The following SLIT3 variants were observed in gnomAD, a reference collection of about 807,000 sequenced individuals.
The protein encoded by SLIT3 is slit guidance ligand 3.
In SLIT3, 68 loss-of-function variants were observed where a neutral mutation model predicts 184.0. The ratio of observed to expected loss-of-function variants is 0.37; its 90% CI spans 0.30 to 0.45. The LOEUF (loss-of-function observed/expected upper bound fraction) is 0.45, where lower values mean the gene tolerates loss of function less well. SLIT3 is among the 20% of genes least tolerant of loss of function. The probability of loss-of-function intolerance (pLI) is 1.00; values close to 1 mark genes in which losing one functional copy is unlikely to be tolerated. For missense variants in SLIT3, 1,707 were observed against 2,026.0 expected, an observed-to-expected ratio of 0.84 and a Z score of 3.02; for synonymous variants, 831 against 828.6, an observed-to-expected ratio of 1.00 and a Z score of -0.05.
intron 4 of SLIT3, among the ~76,000 whole-genome samples, chr5:168,963,378 G>C (rs1763079661): frequency 6.6e-6 from 1 of 152,096 alleles, no homozygotes; most frequent in African/African-American, 2.4e-5. Context: ...CTCCACGTTG[G>C]CCAGGCTGGT....
At chr5:168,851,322 C>CAAAAAAA (rs531233116) in intron 5 of SLIT3, among the ~76,000 whole-genome samples, 20 of 77,158 alleles carry the variant, frequency 2.6e-4, no homozygotes, top group East Asian at 7.3e-4. Flanking sequence ...GACTCCGTCT[C>CAAAAAAA]AAAAAAAAAA....
At position 168,795,596 on chromosome 5, in the gene SLIT3, G is replaced by C; in HGVS notation, c.936-18C>G. 7 of 1,604,488 alleles carry C rather than the reference G, an allele frequency of 4.4e-6. No individual in the cohort carries two copies. The highest frequency in any genetic ancestry group is 3.3e-5 in the South Asian group (3 of 90,846). On this transcript the variant is annotated intron_variant, in intron 9 of 35. Transcript: ENST00000519560. ...CTAGGCGTCTGGGAAACAGAGCAGA[G>C]AAGAGTGAATTAACCATCCACCTGT...
intron 4 of SLIT3, among the ~76,000 whole-genome samples, chr5:169,157,700 T>C (rs13360676): frequency 0.023 from 3,496 of 152,238 alleles, 150 homozygotes; most frequent in African/African-American, 0.079. Context: ...CCAACTTATA[T>C]GAGAAATGAC....
chr5:169,197,578 T>C lies in SLIT3; in HGVS notation c.342-4028A>G, dbSNP rs146597216. Among the ~76,000 whole-genome samples the C allele has an allele frequency of 1.4e-4, 22 of 152,276 alleles. No homozygotes were observed. The East Asian group carries it at 4.3e-3, about 29-fold the overall frequency. On this transcript the variant is annotated intron_variant, in intron 3 of 35. Coordinates refer to ENST00000519560, the MANE Select transcript of SLIT3 (RefSeq NM_003062.4). Reference sequence around the variant, plus strand: ...TACACTCATGCCATCTGCTGTTCTGTTACTCTGGGTCCAGAGGTGGAGATC... The same window carrying C: ...TACACTCATGCCATCTGCTGTTCTGCTACTCTGGGTCCAGAGGTGGAGATC...
chr5:169,096,475 C>T, intron 4 of SLIT3, among the ~76,000 whole-genome samples: 1 of 152,228 alleles, frequency 6.6e-6, no homozygotes, highest in East Asian at 1.9e-4. Flanking sequence ...AACTACTGGA[C>T]TCTGCCCTTG....
intron 4 of SLIT3, among the ~76,000 whole-genome samples, chr5:169,157,222 C>T (rs1490786759): frequency 6.6e-6 from 1 of 151,878 alleles, no homozygotes; most frequent in East Asian, 1.9e-4. Flanking sequence ...TCCACGCCCA[C>T]TTGGCAACAG....
intron 4 of SLIT3, among the ~76,000 whole-genome samples, chr5:168,917,434 C>T (rs1426175714): frequency 6.6e-6 from 1 of 152,198 alleles, no homozygotes; most frequent in Non-Finnish European, 1.5e-5. Flanking sequence ...AAGAACTGGT[C>T]CCCTGACATA....
At chr5:169,125,272 T>G (rs927070182) in intron 4 of SLIT3, among the ~76,000 whole-genome samples, 1 of 152,222 alleles carries the variant, frequency 6.6e-6, no homozygotes, top group Non-Finnish European at 1.5e-5. Flanking sequence ...GGTCTCGATC[T>G]TCTGACGTGG....
At chr5:169,094,844 T>C (rs1759719137) in intron 4 of SLIT3, among the ~76,000 whole-genome samples, 1 of 152,228 alleles carries the variant, frequency 6.6e-6, no homozygotes, top group African/African-American at 2.4e-5. Context: ...TGTCCACAGT[T>C]GCATTTGCAT....
At chr5:169,109,804 T>C (rs1760347845) in intron 4 of SLIT3, among the ~76,000 whole-genome samples, 2 of 152,194 alleles carry the variant, frequency 1.3e-5, no homozygotes, top group Non-Finnish European at 2.9e-5. Flanking sequence ...CCATATTGAC[T>C]TCACTCATGA....
Position 169,224,484 on chromosome 5 carries a change from C to T in SLIT3, c.341+20221G>A, listed in dbSNP as rs573718500. 3.3e-5 allele frequency among the ~76,000 whole-genome samples: 5 copies of T among 151,876 alleles called. No homozygotes were observed. The South Asian group carries it at 1.0e-3, about 32-fold the overall frequency. On this transcript the variant is annotated intron_variant, in intron 3 of 35. Coordinates refer to ENST00000519560, the MANE Select transcript of SLIT3 (RefSeq NM_003062.4). ...CTGGAGTCAAGTGATCCTCCCACCT[C>T]AACTTTCCAAGTAGCTGAGACTACA...
intron 3 of SLIT3, among the ~76,000 whole-genome samples, chr5:169,214,461 T>C (rs1037712553): frequency 2.0e-5 from 3 of 152,126 alleles, no homozygotes; most frequent in Non-Finnish European, 4.4e-5. Context: ...CCAAGGCTTG[T>C]CTGGGAAACT....
intron 4 of SLIT3, among the ~76,000 whole-genome samples, chr5:169,101,878 G>A (rs1760033085): frequency 6.6e-6 from 1 of 152,124 alleles, no homozygotes; most frequent in Non-Finnish European, 1.5e-5. Flanking sequence ...TCAAGACTCA[G>A]CTCAAGGATT....
At chr5:169,225,509 G>C (rs899364314) in intron 3 of SLIT3, among the ~76,000 whole-genome samples, 4 of 152,186 alleles carry the variant, frequency 2.6e-5, no homozygotes, top group Middle Eastern at 3.2e-3. Context: ...ACTGTGCTTT[G>C]GCCACACAAA....
intron 32 of SLIT3, among the ~76,000 whole-genome samples, chr5:168,677,143 G>C (rs192485155): frequency 4.9e-4 from 74 of 152,320 alleles, no homozygotes; most frequent in African/African-American, 1.7e-3. Flanking sequence ...GCCAGGTCAT[G>C]CTTTGAGGAG....
chr5:168,789,678 A>G lies in SLIT3; in HGVS notation c.1008-47T>C, dbSNP rs146263612. 1.7e-3 allele frequency: 2,477 copies of G among 1,421,742 alleles called. 36 individuals carry two copies. The African/African-American group carries it at 0.03, about 17-fold the overall frequency. 88.1% of individuals were successfully genotyped at this position (1,421,742 alleles called of 1,614,324 possible). On this transcript the variant is annotated intron_variant, in intron 10 of 35. Transcript: ENST00000519560. ...TCTGAGAACATGGCTCAAAGGTGCG[A>G]TAACGGTCACTCCTAAGTGTGAATC...
chr5:169,018,522 C>T (rs1756479850), intron 4 of SLIT3: 1 of 152,224 alleles, frequency 6.6e-6, no homozygotes, highest in African/African-American at 2.4e-5. Context: ...GACATGGTCC[C>T]AGAGACATGG....
chr5:169,226,120 G>T (rs1764798129), intron 3 of SLIT3, among the ~76,000 whole-genome samples: 1 of 152,098 alleles, frequency 6.6e-6, no homozygotes, highest in Admixed American at 6.5e-5. Flanking sequence ...GCCAGCCCCT[G>T]GGTGTAACGA....
rs1479813362 is a variant in SLIT3 at position 168,710,952 on chromosome 5, CA to C, written c.2661del (p.Glu888SerfsTer85). ...AGCAGGAGCCTGTCAGCCATGGGCT[CA>C]GGGCTACTGCAGCGGGCGATGCCAG... is the stretch of plus-strand genomic sequence containing the variant. ...KEPGIARCSS[P>X]EPMADRLLLT... On this transcript the variant is annotated frameshift_variant, in exon 25 of 36. Coordinates refer to ENST00000519560, the MANE Select transcript of SLIT3 (RefSeq NM_003062.4). LOFTEE classifies it high-confidence loss of function. 1 of 1,566,304 alleles carries C rather than the reference CA, an allele frequency of 6.4e-7. No homozygotes were observed. The highest frequency in any genetic ancestry group is 8.7e-7 in the Non-Finnish European group (1 of 1,154,854).
Sources: allele counts gnomAD v4.1 joint callset (sites outside exome capture counted in the v4.1 genomes callset), GRCh38; gene constraint gnomAD v4.1.1; transcripts MANE v1.5; gene names NCBI Gene and HGNC (gene_info 2026-07-23, HGNC 2026-07-21).